The following RBFOX1 variants were observed in gnomAD, a reference collection of about 807,000 sequenced individuals.
The protein encoded by RBFOX1 is RNA binding fox-1 homolog 1, also known as RNA binding protein fox-1 homolog 1.
Under a neutral mutation model 57.7 loss-of-function variants are expected in RBFOX1, and 8 were observed. The ratio of observed to expected loss-of-function variants is 0.14; its 90% CI spans 0.08 to 0.25. The LOEUF (loss-of-function observed/expected upper bound fraction) is 0.25, where lower values mean the gene tolerates loss of function less well. Ranked by LOEUF, RBFOX1 falls within the 10% of genes least tolerant of loss-of-function variation. RBFOX1 has a pLI of 1.00. For missense variants in RBFOX1, 611 were observed against 548.5 expected, an observed-to-expected ratio of 1.11 and a Z score of -1.14; for synonymous variants, 326 against 222.4, an observed-to-expected ratio of 1.47 and a Z score of -4.15.
chr16:6,205,403 C>T (rs1021577084), intron 1 of RBFOX1, among the ~76,000 whole-genome samples: 1 of 152,206 alleles, frequency 6.6e-6, no homozygotes, highest in African/African-American at 2.4e-5. Context: ...GTTGTCGTGA[C>T]AAAGTAATTA....
chr16:7,672,549 C>G (rs1401892252), intron 13 of RBFOX1, among the ~76,000 whole-genome samples: 3 of 152,082 alleles, frequency 2.0e-5, no homozygotes, highest in Non-Finnish European at 2.9e-5. Flanking sequence ...AACTGGACCT[C>G]CAACTGCCAC....
At chr16:6,720,450 A>G (rs2065757525) in intron 3 of RBFOX1, among the ~76,000 whole-genome samples, 1 of 152,162 alleles carries the variant, frequency 6.6e-6, no homozygotes, top group Non-Finnish European at 1.5e-5. Context: ...AGTTCTTTAT[A>G]GCATTGCAAG....
At chr16:6,205,761 CT>C (rs1567675579) in intron 1 of RBFOX1, among the ~76,000 whole-genome samples, 1 of 150,230 alleles carries the variant, frequency 6.7e-6, no homozygotes, top group East Asian at 2.0e-4. Flanking sequence ...TATTTCTAGA[CT>C]TTTTTTCTGC....
At chr16:5,776,472 C>T (rs1238466214) in intron 3 of RBFOX1, among the ~76,000 whole-genome samples, 1 of 152,178 alleles carries the variant, frequency 6.6e-6, no homozygotes, top group South Asian at 2.1e-4. Flanking sequence ...TGGAACTGGG[C>T]TGAGCTTAAG....
At chr16:5,676,583 G>C (rs1055800977) in intron 3 of RBFOX1, among the ~76,000 whole-genome samples, 40 of 152,124 alleles carry the variant, frequency 2.6e-4, no homozygotes, top group African/African-American at 9.2e-4. Flanking sequence ...AGAACATGCT[G>C]GGTGTGGTGG....
At chr16:7,465,664 C>T (rs1229933783) in intron 4 of RBFOX1, among the ~76,000 whole-genome samples, 10 of 152,150 alleles carry the variant, frequency 6.6e-5, no homozygotes, top group African/African-American at 2.4e-4. Flanking sequence ...TTACTGGAGT[C>T]TTAGAGTATA....
At chr16:7,339,167 G>C (rs1285843185) in intron 4 of RBFOX1, among the ~76,000 whole-genome samples, 1 of 152,180 alleles carries the variant, frequency 6.6e-6, no homozygotes, top group Non-Finnish European at 1.5e-5. Context: ...CCAAGCCTCA[G>C]TTTTCTAGGC....
chr16:5,260,360 C>G (rs115661733), intron 1 of RBFOX1, among the ~76,000 whole-genome samples: 2,649 of 152,206 alleles, frequency 0.017, 37 homozygotes, highest in Middle Eastern at 0.085. Context: ...GCATTCCTTG[C>G]TATGCACAAA....
chr16:6,854,708 C>T (rs895813620), intron 3 of RBFOX1, among the ~76,000 whole-genome samples: 2 of 148,706 alleles, frequency 1.3e-5, no homozygotes, highest in African/African-American at 2.5e-5. Context: ...CGTTCTCCTG[C>T]GTCAGCCTCC....
At chr16:6,249,207 C>G (rs8047375) in intron 1 of RBFOX1, among the ~76,000 whole-genome samples, 18,320 of 151,958 alleles carry the variant, frequency 0.12, 1,224 homozygotes, top group Middle Eastern at 0.28. Flanking sequence ...GACCAACACA[C>G]CAATGGAAGG....
chr16:6,145,222 T>C (rs764840414), intron 1 of RBFOX1, among the ~76,000 whole-genome samples: 28 of 152,122 alleles, frequency 1.8e-4, no homozygotes, highest in Non-Finnish European at 3.4e-4. Flanking sequence ...GGGTGTGTTG[T>C]TCCCCTCTAT....
intron 4 of RBFOX1, among the ~76,000 whole-genome samples, chr16:7,207,790 T>A (rs898433319): frequency 2.0e-5 from 3 of 152,202 alleles, no homozygotes; most frequent in African/African-American, 7.2e-5. Context: ...TAGCTTCTCC[T>A]AGAATGTGCA....
chr16:7,223,626 C>G (rs767720996), intron 4 of RBFOX1, among the ~76,000 whole-genome samples: 1 of 149,094 alleles, frequency 6.7e-6, no homozygotes, highest in South Asian at 2.1e-4. Context: ...TGCTTTCAAG[C>G]ATTATGCTAT....
At chr16:5,470,471 C>G (rs372736729) in intron 2 of RBFOX1, among the ~76,000 whole-genome samples, 1 of 152,192 alleles carries the variant, frequency 6.6e-6, no homozygotes, top group South Asian at 2.1e-4. Flanking sequence ...TACACATGCA[C>G]ACATTCTCTC....
Position 7,518,376 on chromosome 16 carries a change from C to G in RBFOX1, c.257C>G (p.Ser86Cys), listed in dbSNP as rs2152190628. ...GCGGACACGAGCGCTCAGACCGTCT[C>G]TGGCACCGCCACAGTAAGTGGACGT... Reference protein sequence around the residue: ...SPADTSAQTVSGTATQTDDAA... With the variant: ...SPADTSAQTVCGTATQTDDAA... Residue 86 changes from serine to cysteine, a missense_variant, in exon 5 of 16, where the codon TCT (serine) becomes TGT (cysteine). Ser to Cys is a moderately radical substitution (Grantham distance 112). Transcript: ENST00000550418. The G allele has an allele frequency of 1.9e-6, 3 of 1,609,088 alleles. No homozygotes were observed. Among genetic ancestry groups the G allele is most frequent in the Non-Finnish European group, 1.7e-6 (2 of 1,176,498 alleles).
chr16:6,856,235 T>C (rs1253834602), intron 3 of RBFOX1, among the ~76,000 whole-genome samples: 2 of 152,152 alleles, frequency 1.3e-5, no homozygotes, highest in African/African-American at 4.8e-5. Context: ...ATCTGAATCA[T>C]CAAGGCAGCC....
At chr16:5,833,999 C>G (rs1384303907) in intron 3 of RBFOX1, among the ~76,000 whole-genome samples, 2 of 152,198 alleles carry the variant, frequency 1.3e-5, no homozygotes, top group African/African-American at 4.8e-5. Context: ...TGCAAATGCA[C>G]ATAAAACAGA....
chr16:6,249,312 G>C (rs1044857510), intron 1 of RBFOX1, among the ~76,000 whole-genome samples: 22 of 152,146 alleles, frequency 1.4e-4, no homozygotes, highest in African/African-American at 5.3e-4. Context: ...GGATCACGAG[G>C]TCAGGAGTTC....
At chr16:6,326,194 C>T (rs895460669) in intron 2 of RBFOX1, among the ~76,000 whole-genome samples, 1 of 152,176 alleles carries the variant, frequency 6.6e-6, no homozygotes. Context: ...CTTGGTAATG[C>T]CATCATTCCT....
Sources: allele counts gnomAD v4.1 joint callset (sites outside exome capture counted in the v4.1 genomes callset), GRCh38; gene constraint gnomAD v4.1.1; transcripts MANE v1.5; gene names NCBI Gene and HGNC (gene_info 2026-07-23, HGNC 2026-07-21).